The following SH3BGRL2 variants were observed in gnomAD, a reference collection of about 807,000 sequenced individuals.
SH3BGRL2 encodes SH3 domain-binding glutamic acid-rich-like protein 2.
Under a neutral mutation model 14.8 loss-of-function variants are expected in SH3BGRL2, and 21 were observed. That is an observed-to-expected ratio of 1.42 (90% CI 1.01 to 2.05). SH3BGRL2 has a LOEUF of 2.05. SH3BGRL2 is among the 30% of genes most tolerant of loss of function. The pLI, the probability that SH3BGRL2 is intolerant of heterozygous loss-of-function variation, is 0.00. For synonymous variants in SH3BGRL2, 50 were observed against 47.8 expected (o/e 1.05, Z -0.19); for missense variants, 147 against 130.8 (o/e 1.12, Z -0.61).
the SH3BGRL2 span, among the ~76,000 whole-genome samples, chr6:79,621,734 G>A: frequency 2.4e-3 from 361 of 152,176 alleles, 3 homozygotes; most frequent in Non-Finnish European, 2.2e-3. Flanking sequence ...ACCTTAACCC[G>A]TCGTGGCTCT....
At chr6:79,634,610 A>G (rs1225539707) in intron 1 of SH3BGRL2, among the ~76,000 whole-genome samples, 1 of 152,142 alleles carries the variant, frequency 6.6e-6, no homozygotes, top group Non-Finnish European at 1.5e-5. Flanking sequence ...TCATTCAACA[A>G]GTATTTTCTA....
chr6:79,600,241 T>G, the SH3BGRL2 span, among the ~76,000 whole-genome samples: 3 of 152,210 alleles, frequency 2.0e-5, no homozygotes, highest in African/African-American at 7.2e-5. Flanking sequence ...TCTTACTTTC[T>G]CTAATGAATC....
At chr6:79,696,141 A>C (rs942277480) in intron 2 of SH3BGRL2, among the ~76,000 whole-genome samples, 4 of 152,128 alleles carry the variant, frequency 2.6e-5, no homozygotes, top group East Asian at 3.9e-4. Flanking sequence ...AGCCTTCCAT[A>C]CTGAAAACCT....
intron 1 of SH3BGRL2, among the ~76,000 whole-genome samples, chr6:79,636,425 T>G (rs1768923819): frequency 6.6e-6 from 1 of 151,816 alleles, no homozygotes. Flanking sequence ...CAGAGGAGGT[T>G]GTGGAGTGAG....
At chr6:79,555,531 A>C in the SH3BGRL2 span, among the ~76,000 whole-genome samples, 1 of 152,186 alleles carries the variant, frequency 6.6e-6, no homozygotes, top group Admixed American at 6.5e-5. Context: ...TTTTGTTTTG[A>C]GGCGGAGTCT....
chr6:79,699,555 G>A lies in SH3BGRL2; in HGVS notation c.*46G>A, dbSNP rs1770410256. On this transcript the variant is annotated 3_prime_UTR_variant, in exon 4 of 4. Coordinates refer to ENST00000369838, the MANE Select transcript of SH3BGRL2 (RefSeq NM_031469.4). The stretch of plus-strand genomic sequence containing the variant: ...CGGAGATGCATTTTGAAGCACCCCT[G>A]GTACTCAGCACACACATGCTTACCT... 6.5e-7 allele frequency: 1 copy of A among 1,530,428 alleles called. No individual in the cohort carries two copies. Among genetic ancestry groups the A allele is most frequent in the African/African-American group, 1.5e-5 (1 of 68,348 alleles). 94.8% of individuals were successfully genotyped at this position (1,530,428 alleles called of 1,614,324 possible).
At chr6:79,554,658 G>A in the SH3BGRL2 span, among the ~76,000 whole-genome samples, 1 of 152,184 alleles carries the variant, frequency 6.6e-6, no homozygotes, top group African/African-American at 2.4e-5. Flanking sequence ...ATACCAAACT[G>A]CATTTTTGAT....
chr6:79,692,425 C>T (rs1770238878), intron 2 of SH3BGRL2, among the ~76,000 whole-genome samples: 1 of 152,148 alleles, frequency 6.6e-6, no homozygotes, highest in Admixed American at 6.5e-5. Flanking sequence ...ACATGAAGTC[C>T]TTGCCCATGC....
upstream of SH3BGRL2, among the ~76,000 whole-genome samples, chr6:79,629,011 T>C (rs1768777193): frequency 6.6e-6 from 1 of 152,186 alleles, no homozygotes; most frequent in Non-Finnish European, 1.5e-5. Flanking sequence ...GATGTAAATG[T>C]ATTAGGCTTT....
chr6:79,614,506 G>C, the SH3BGRL2 span, among the ~76,000 whole-genome samples: 1 of 152,176 alleles, frequency 6.6e-6, no homozygotes. Flanking sequence ...GGAGGGTCTA[G>C]ACTTCAGACT....
chr6:79,615,176 C>T, the SH3BGRL2 span, among the ~76,000 whole-genome samples: 1 of 152,100 alleles, frequency 6.6e-6, no homozygotes, highest in Admixed American at 6.5e-5. Flanking sequence ...GCTTGGGAGG[C>T]CATAAGGCCC....
intron 1 of SH3BGRL2, among the ~76,000 whole-genome samples, chr6:79,648,087 C>G (rs1170854423): frequency 6.6e-6 from 1 of 150,808 alleles, no homozygotes; most frequent in Non-Finnish European, 1.5e-5. Flanking sequence ...GGAAAAAAAT[C>G]ATCTTGTTAA....
chr6:79,555,825 A>G, the SH3BGRL2 span, among the ~76,000 whole-genome samples: 2 of 152,208 alleles, frequency 1.3e-5, no homozygotes, highest in Non-Finnish European at 2.9e-5. Context: ...TGTTTTTAAA[A>G]TGAAAATTAA....
the SH3BGRL2 span, among the ~76,000 whole-genome samples, chr6:79,597,307 AAGAAAGAAAG>A: frequency 2.6e-4 from 39 of 148,640 alleles, no homozygotes; most frequent in Non-Finnish European, 3.7e-4. Flanking sequence ...AGAGAGAGAA[AAGAAAGAAAG>A]AGAAAAGAAA....
chr6:79,544,280 C>T, the SH3BGRL2 span, among the ~76,000 whole-genome samples: 3 of 152,080 alleles, frequency 2.0e-5, no homozygotes, highest in Admixed American at 1.3e-4. Context: ...GTTTTAACAA[C>T]CAAAGATTAA....
chr6:79,592,305 A>G, the SH3BGRL2 span, among the ~76,000 whole-genome samples: 1 of 152,334 alleles, frequency 6.6e-6, no homozygotes, highest in Non-Finnish European at 1.5e-5. Flanking sequence ...TCCTTGTGCC[A>G]GTCCTTGACT....
intron 1 of SH3BGRL2, among the ~76,000 whole-genome samples, chr6:79,642,885 CTG>C (rs975861853): frequency 5.9e-5 from 9 of 152,194 alleles, no homozygotes; most frequent in African/African-American, 1.9e-4. Flanking sequence ...AATCTGAACA[CTG>C]TGAATTTTGA....
chr6:79,611,270 AAT>A, the SH3BGRL2 span, among the ~76,000 whole-genome samples: 1 of 152,156 alleles, frequency 6.6e-6, no homozygotes, highest in Admixed American at 6.6e-5. Context: ...GGTGCCTAGC[AAT>A]ATTCCTGACA....
chr6:79,682,357 C>A (rs189111373), intron 2 of SH3BGRL2, among the ~76,000 whole-genome samples: 1 of 151,840 alleles, frequency 6.6e-6, no homozygotes, highest in Non-Finnish European at 1.5e-5. Flanking sequence ...GCTGGAGTCC[C>A]AATAATGGGA....
Sources: gnomAD v4.1 joint callset for allele counts (sites outside exome capture counted in the v4.1 genomes callset) on GRCh38, gnomAD v4.1.1 for gene constraint, MANE v1.5 for transcripts, NCBI Gene and HGNC (gene_info 2026-07-23, HGNC 2026-07-21) for gene names.